The following NTN1 variants were observed in gnomAD, a reference collection of about 807,000 sequenced individuals.
NTN1 encodes the protein netrin-1.
In NTN1, 11 loss-of-function variants were observed where a neutral mutation model predicts 54.2. The ratio of observed to expected loss-of-function variants is 0.20; its 90% CI spans 0.13 to 0.34. The LOEUF is 0.34. NTN1 is among the 10% of genes least tolerant of loss of function. The pLI is 1.00. For synonymous variants in NTN1, 371 were observed against 382.0 expected, an observed-to-expected ratio of 0.97 and a Z score of 0.33; for missense variants, 740 against 893.1, an observed-to-expected ratio of 0.83 and a Z score of 2.18.
rs60014697 is a variant in NTN1, at chr17:9,166,149, TCCACCACCACCACCACCACCACCA to T, written c.1207+3185_1207+3208del. 4.5e-3 allele frequency among the ~76,000 whole-genome samples: 504 copies of T among 111,424 alleles called. 8 individuals carry two copies. The highest frequency in any genetic ancestry group is 0.016 in the African/African-American group (450 of 27,932). 73.1% of individuals were successfully genotyped at this position (111,424 alleles called of 152,430 possible). A position where few individuals can be genotyped will look rare whatever the true frequency, so the allele number is the denominator to read the frequency against. On this transcript the variant is annotated intron_variant, in intron 3 of 6. Transcript: ENST00000173229. Reference sequence around the variant, plus strand: ...ACAGGGGTCTCCTGGTCAACCCCCTTCCACCACCACCACCACCACCACCACCACCACCACCACCACCACCACCAC... The same window carrying T: ...ACAGGGGTCTCCTGGTCAACCCCCTTCCACCACCACCACCACCACCACCAC...
intron 2 of NTN1, among the ~76,000 whole-genome samples, chr17:9,128,309 CAAA>C (rs11356490): frequency 1.2e-4 from 15 of 124,064 alleles, no homozygotes; most frequent in Admixed American, 4.0e-4. Flanking sequence ...GACTCTGTCT[CAAA>C]AAAAAAAAAA....
Position 9,242,319 on chromosome 17 carries a change from C to T in NTN1, c.*2351C>T, listed in dbSNP as rs1597558788. ...CAAGGCTAGAAGACAGGGCCCCTCT[C>T]CAAGCTGTCAGCGCCCCTCGGATGC... is the stretch of plus-strand genomic sequence containing the variant. On this transcript the variant is annotated 3_prime_UTR_variant, in exon 7 of 7. Transcript: ENST00000173229. The T allele has an allele frequency of 6.6e-6, 1 of 152,292 alleles. No individual in the cohort carries two copies. Among genetic ancestry groups the T allele is most frequent in the East Asian group, 1.9e-4 (1 of 5,192 alleles). The allele number at this position is 152,292 out of a possible 1,614,324, so 9.4% of individuals were successfully genotyped here. A position where few individuals can be genotyped will look rare whatever the true frequency, so the allele number is the denominator to read the frequency against.
intron 2 of NTN1, among the ~76,000 whole-genome samples, chr17:9,161,328 T>A (rs1452654238): frequency 6.6e-6 from 1 of 152,182 alleles, no homozygotes; most frequent in Non-Finnish European, 1.5e-5. Context: ...GAGGGGTCCT[T>A]GCACGTGGCT....
Position 9,190,683 on chromosome 17 carries a change from C to T in NTN1, c.1411+7714C>T, listed in dbSNP as rs149549456. Among the ~76,000 whole-genome samples, 747 of 152,226 alleles carry T rather than the reference C, an allele frequency of 4.9e-3. 1 individual carries two copies. The highest frequency in any genetic ancestry group is 8.5e-3 in the Non-Finnish European group (580 of 68,012). On this transcript the variant is annotated intron_variant, in intron 5 of 6. Coordinates refer to ENST00000173229, the MANE Select transcript of NTN1 (RefSeq NM_004822.3). ...CCTGGCCAAAATGGTGAAACCCCAT[C>T]TCTACTAAAAATACAAAAATGAGCT...
rs1905120620 is a variant in NTN1 at position 9,212,147 on chromosome 17, G to A, written c.1412-9021G>A. Among the ~76,000 whole-genome samples the A allele has an allele frequency of 6.6e-6, 1 of 152,228 alleles. No individual in the cohort carries two copies. The highest frequency in any genetic ancestry group is 2.1e-4 in the South Asian group (1 of 4,832). The stretch of plus-strand genomic sequence containing the variant: ...GACTAGTACAGGCTTAGAGAGATGG[G>A]TGGGGGCTAGAGATCTGCCTGTGGG... On this transcript the variant is annotated intron_variant, in intron 5 of 6. Transcript: ENST00000173229. The surrounding 1 kb of genome is among the most constrained non-coding windows in gnomAD (Gnocchi z 5.5).
At chr17:9,096,512 A>G (rs533037860) in intron 2 of NTN1, among the ~76,000 whole-genome samples, 1 of 151,636 alleles carries the variant, frequency 6.6e-6, no homozygotes, top group African/African-American at 2.4e-5. Context: ...CTGGGAGTAC[A>G]GGTGCCCGCC....
At chr17:9,193,938 A>AAAAAAAAAAAAAAAAAAAAAC (rs796452392) in intron 5 of NTN1, among the ~76,000 whole-genome samples, 1 of 108,304 alleles carries the variant, frequency 9.2e-6, no homozygotes, top group African/African-American at 3.2e-5. Context: ...AAAAAAAAAA[A>AAAAAAAAAAAAAAAAAAAAAC]AAAAAACATT....
chr17:9,202,049 CACACACAAAAAAAAAAAAAAA>C (rs1469335522), intron 5 of NTN1, among the ~76,000 whole-genome samples: 2 of 26,844 alleles, frequency 7.5e-5, no homozygotes, highest in African/African-American at 1.9e-4. Flanking sequence ...CACACACACA[CACACACAAAAAAAAAAAAAAA>C]AAAAAAAAAA....
chr17:9,189,200 TC>T (rs1281493475), intron 5 of NTN1, among the ~76,000 whole-genome samples: 1 of 151,898 alleles, frequency 6.6e-6, no homozygotes, highest in African/African-American at 2.4e-5. Context: ...TACTGTCATC[TC>T]CCCCCGACCC....
intron 2 of NTN1, among the ~76,000 whole-genome samples, chr17:9,057,579 T>G (rs2091983297): frequency 6.6e-6 from 1 of 152,186 alleles, no homozygotes; most frequent in Admixed American, 6.5e-5. Flanking sequence ...TATTTTCCAT[T>G]CTGTAATACT....
chr17:9,211,109 A>G lies in NTN1; in HGVS notation c.1412-10059A>G, dbSNP rs1484228154. Among the ~76,000 whole-genome samples, 1 of 152,062 alleles carries G rather than the reference A, an allele frequency of 6.6e-6. No homozygotes were observed. The highest frequency in any genetic ancestry group is 6.5e-5 in the Admixed American group (1 of 15,276). On this transcript the variant is annotated intron_variant, in intron 5 of 6. Transcript: ENST00000173229. The surrounding 1 kb of genome is among the most constrained non-coding windows in gnomAD (Gnocchi z 4.4). ...TGCTATTCTTCTAGAATAAAATCCA[A>G]ACCCCTGCCATTGTTGAAAAGGCCC...
At chr17:9,148,748 A>C (rs2092320215) in intron 2 of NTN1, among the ~76,000 whole-genome samples, 1 of 151,228 alleles carries the variant, frequency 6.6e-6, no homozygotes, top group Non-Finnish European at 1.5e-5. Context: ...CCCTGGTTTC[A>C]CCCTGTCCCT....
At chr17:9,074,132 G>C (rs1267333654) in intron 2 of NTN1, among the ~76,000 whole-genome samples, 1 of 152,244 alleles carries the variant, frequency 6.6e-6, no homozygotes, top group African/African-American at 2.4e-5. Flanking sequence ...TTAGGCAGCA[G>C]AGGGACCATT....
chr17:9,149,863 T>G (rs1329658214), intron 2 of NTN1, among the ~76,000 whole-genome samples: 4 of 151,884 alleles, frequency 2.6e-5, no homozygotes, highest in African/African-American at 9.7e-5. Flanking sequence ...AGGTAGGAGT[T>G]CGAGACCAGC....
chr17:9,111,960 C>T (rs1271088491), intron 2 of NTN1, among the ~76,000 whole-genome samples: 1 of 152,178 alleles, frequency 6.6e-6, no homozygotes, highest in African/African-American at 2.4e-5. Context: ...GTTAACTGAA[C>T]ATTTTAGTTG....
At chr17:9,056,228 T>C (rs1175871609) in intron 2 of NTN1, among the ~76,000 whole-genome samples, 2 of 152,176 alleles carry the variant, frequency 1.3e-5, no homozygotes, top group African/African-American at 4.8e-5. Flanking sequence ...GGCTAATTTT[T>C]GTATTTTTAG....
At chr17:9,007,086 C>T in the NTN1 span, among the ~76,000 whole-genome samples, 6 of 152,214 alleles carry the variant, frequency 3.9e-5, no homozygotes, top group South Asian at 2.1e-4. Flanking sequence ...ATTGTGATTA[C>T]GAGACTCCAT....
chr17:9,163,088 C>T, intron 3 of NTN1, 87 bp downstream of exon 3: 1 of 1,371,866 alleles, frequency 7.3e-7, no homozygotes, highest in Non-Finnish European at 9.9e-7. Context: ...TTTCTATTTT[C>T]TTCCAGTCTG....
At chr17:9,229,795 A>G (rs1022257397) in intron 6 of NTN1, among the ~76,000 whole-genome samples, 3 of 152,132 alleles carry the variant, frequency 2.0e-5, no homozygotes, top group African/African-American at 7.2e-5. Context: ...AGCTTCCAGG[A>G]AGACCCCTGA....
Sources: allele counts gnomAD v4.1 joint callset (sites outside exome capture counted in the v4.1 genomes callset), GRCh38; gene constraint gnomAD v4.1.1; non-coding constraint Gnocchi (gnomAD v3.1); transcripts MANE v1.5; gene names NCBI Gene and HGNC (gene_info 2026-07-23, HGNC 2026-07-21).